KPNA4: variants seen among roughly 807,000 people sequenced by gnomAD.
The protein encoded by KPNA4 is karyopherin subunit alpha 4.
A neutral mutation model predicts 71.3 loss-of-function variants in KPNA4; 13 were observed. The observed-to-expected ratio is 0.18, with a 90% CI of 0.12 to 0.29. The LOEUF (loss-of-function observed/expected upper bound fraction) is 0.29, where lower values mean the gene tolerates loss of function less well. KPNA4 is among the 10% of genes least tolerant of loss of function. KPNA4 has a pLI of 1.00. For synonymous variants in KPNA4, 189 were observed against 195.2 expected (o/e 0.97, Z 0.26); for missense variants, 334 against 603.2 (o/e 0.55, Z 4.67).
intron 16 of KPNA4, among the ~76,000 whole-genome samples, chr3:160,502,917 C>T (rs1720912387): frequency 6.6e-6 from 1 of 152,030 alleles, no homozygotes; most frequent in Non-Finnish European, 1.5e-5. Flanking sequence ...TCAAGACCAG[C>T]CTGGCCAACG....
chr3:160,551,416 T>C (rs1323087356), intron 1 of KPNA4, among the ~76,000 whole-genome samples: 1 of 152,208 alleles, frequency 6.6e-6, no homozygotes, highest in African/African-American at 2.4e-5. Flanking sequence ...TTGATGTGAT[T>C]AGTGAAAACT....
chr3:160,528,979 G>A (rs1047639220), intron 7 of KPNA4, among the ~76,000 whole-genome samples: 1 of 152,176 alleles, frequency 6.6e-6, no homozygotes, highest in Admixed American at 6.5e-5. Flanking sequence ...CCAGACTGGA[G>A]TTCAGTGGTG....
intron 2 of KPNA4, 66 bp downstream of exon 2, chr3:160,536,730 C>A: frequency 1.2e-6 from 1 of 835,592 alleles, no homozygotes; most frequent in South Asian, 2.4e-5. Flanking sequence ...TATTTGGCAT[C>A]TTGTATATAA....
At chr3:160,561,891 C>A (rs1029588614) in intron 1 of KPNA4, among the ~76,000 whole-genome samples, 5 of 152,028 alleles carry the variant, frequency 3.3e-5, no homozygotes, top group Admixed American at 2.6e-4. Context: ...CAGAGAATTG[C>A]CAGGCATCTT....
intron 8 of KPNA4, among the ~76,000 whole-genome samples, 189 bp from the exon 9 acceptor site, chr3:160,526,296 A>G (rs552398333): frequency 1.0e-3 from 158 of 152,328 alleles, no homozygotes; most frequent in Non-Finnish European, 1.7e-3. Context: ...GTGATAAGGT[A>G]TTCTTTTGCA....
Position 160,511,634 on chromosome 3 carries a change from T to C in KPNA4, c.1138-1763A>G, listed in dbSNP as rs1721095898. Reference sequence around the variant, plus strand: ...AGTACATTACTGATGAAATATATTCTAAGGGCAAACAAATGTCAAAGAAAT... The same window carrying C: ...AGTACATTACTGATGAAATATATTCCAAGGGCAAACAAATGTCAAAGAAAT... On this transcript the variant is annotated intron_variant, in intron 13 of 16. Coordinates refer to ENST00000334256, the MANE Select transcript of KPNA4 (RefSeq NM_002268.5). Among the ~76,000 whole-genome samples the C allele has an allele frequency of 2.6e-5, 4 of 151,852 alleles. No individual in the cohort carries two copies. The Middle Eastern group carries it at 0.01, about 390-fold the overall frequency.
intron 10 of KPNA4, 146 bp from the exon 11 acceptor site, chr3:160,522,056 G>A (rs368012454): frequency 2.3e-5 from 15 of 659,164 alleles, no homozygotes; most frequent in South Asian, 4.1e-5. Flanking sequence ...TGATCGCTAC[G>A]GTATTAAACA....
At chr3:160,512,030 T>C in intron 13 of KPNA4, among the ~76,000 whole-genome samples, 1 of 152,200 alleles carries the variant, frequency 6.6e-6, no homozygotes, top group Admixed American at 6.5e-5. Context: ...TGAACTCTCA[T>C]GTTCCTGAAC....
At chr3:160,532,591 GA>G (rs1404028130) in intron 5 of KPNA4, among the ~76,000 whole-genome samples, 7 of 152,306 alleles carry the variant, frequency 4.6e-5, no homozygotes, top group African/African-American at 1.7e-4. Context: ...TCACATGTGG[GA>G]GACTACAGGT....
At chr3:160,540,991 T>C (rs1223927191) in intron 1 of KPNA4, among the ~76,000 whole-genome samples, 4 of 152,348 alleles carry the variant, frequency 2.6e-5, no homozygotes, top group African/African-American at 9.6e-5. Flanking sequence ...AACAGAATGC[T>C]AGCTCTATTT....
chr3:160,530,226 T>G (rs553824313), intron 7 of KPNA4, among the ~76,000 whole-genome samples: 1 of 150,814 alleles, frequency 6.6e-6, no homozygotes, highest in South Asian at 2.1e-4. Flanking sequence ...CCCAGCACAC[T>G]GGGAGGCCAA....
intron 1 of KPNA4, among the ~76,000 whole-genome samples, chr3:160,564,963 G>C (rs1722313725): frequency 6.8e-6 from 1 of 146,606 alleles, no homozygotes; most frequent in Admixed American, 6.8e-5. Context: ...CACCCGCGCC[G>C]GGCCGGCTCC....
intron 1 of KPNA4, among the ~76,000 whole-genome samples, chr3:160,549,585 T>C (rs537973551): frequency 1.4e-4 from 21 of 152,368 alleles, no homozygotes; most frequent in African/African-American, 4.3e-4. Context: ...TGCCCGAATA[T>C]GCAGGGGTTC....
intron 13 of KPNA4, among the ~76,000 whole-genome samples, chr3:160,510,128 G>T (rs1324866637): frequency 6.6e-6 from 1 of 151,988 alleles, no homozygotes; most frequent in Non-Finnish European, 1.5e-5. Context: ...ATTAAATGAA[G>T]TTGATGATAA....
At chr3:160,537,845 C>G (rs1027715244) in intron 1 of KPNA4, among the ~76,000 whole-genome samples, 3 of 151,814 alleles carry the variant, frequency 2.0e-5, no homozygotes, top group Non-Finnish European at 4.4e-5. Flanking sequence ...GACATACAAT[C>G]CAAACACATA....
At chr3:160,531,737 A>G (rs1473808233) in intron 5 of KPNA4, among the ~76,000 whole-genome samples, 180 bp from the exon 6 acceptor site, 1 of 152,246 alleles carries the variant, frequency 6.6e-6, no homozygotes, top group Non-Finnish European at 1.5e-5. Flanking sequence ...TATACAAATT[A>G]AATTTATAGA....
intron 1 of KPNA4, among the ~76,000 whole-genome samples, chr3:160,547,196 CCTT>C (rs1300010074): frequency 3.9e-5 from 6 of 152,110 alleles, no homozygotes; most frequent in African/African-American, 1.2e-4. Flanking sequence ...GTCATATTTG[CCTT>C]TTTTTGAAGA....
At chr3:160,540,056 G>C (rs910910270) in intron 1 of KPNA4, among the ~76,000 whole-genome samples, 4 of 143,622 alleles carry the variant, frequency 2.8e-5, no homozygotes, top group Non-Finnish European at 6.0e-5. Flanking sequence ...CTGGAGTACA[G>C]TAACGGGATC....
chr3:160,509,758 T>C (rs1375552570), intron 14 of KPNA4, 42 bp downstream of exon 14: 3 of 1,227,644 alleles, frequency 2.4e-6, no homozygotes, highest in Non-Finnish European at 3.6e-6. Context: ...GTACTTTTAT[T>C]TTACCAGTTT....
Sources: allele counts gnomAD v4.1 joint callset (sites outside exome capture counted in the v4.1 genomes callset), GRCh38; gene constraint gnomAD v4.1.1; transcripts MANE v1.5; gene names NCBI Gene and HGNC (gene_info 2026-07-23, HGNC 2026-07-21).